Variants in CSMD1 observed in about 807,000 individuals in gnomAD.
CSMD1 encodes the protein CUB and sushi domain-containing protein 1.
CSMD1 carries 213 observed loss-of-function variants against 417.5 expected under a neutral mutation model. The observed-to-expected ratio is 0.51, with a 90% CI of 0.46 to 0.57. CSMD1 has a LOEUF of 0.57. Ranked by LOEUF, CSMD1 falls within the 20% of genes least tolerant of loss-of-function variation. The pLI, the probability that CSMD1 is intolerant of heterozygous loss-of-function variation, is 0.00. For missense variants in CSMD1, 6,923 were observed against 4,529.7 expected, an observed-to-expected ratio of 1.53 and a Z score of -15.17; for synonymous variants, 2,862 against 1,736.8, an observed-to-expected ratio of 1.65 and a Z score of -16.11.
At chr8:3,307,956 C>A (rs10089513) in intron 24 of CSMD1, 135 bp from the exon 25 acceptor site, 17 of 986,164 alleles carry the variant, frequency 1.7e-5, no homozygotes, top group South Asian at 5.4e-5. Context: ...TCTCTCTCTC[C>A]TGACCGTTTC....
At chr8:4,665,100 C>G (rs192540456) in intron 1 of CSMD1, among the ~76,000 whole-genome samples, 2 of 152,242 alleles carry the variant, frequency 1.3e-5, no homozygotes, top group Non-Finnish European at 2.9e-5. Flanking sequence ...ACCTTGCCAC[C>G]CAGCCCTGCC....
intron 3 of CSMD1, among the ~76,000 whole-genome samples, chr8:4,149,724 T>A (rs1243435515): frequency 6.6e-6 from 1 of 152,180 alleles, no homozygotes; most frequent in Non-Finnish European, 1.5e-5. Context: ...AGAAACATTT[T>A]CCAAATAACC....
intron 1 of CSMD1, among the ~76,000 whole-genome samples, chr8:4,692,051 C>A (rs537788835): frequency 6.6e-6 from 1 of 152,104 alleles, no homozygotes; most frequent in Non-Finnish European, 1.5e-5. Flanking sequence ...TATGATAATG[C>A]GGGGCACACA....
At chr8:4,355,021 G>T (rs1225940937) in intron 3 of CSMD1, among the ~76,000 whole-genome samples, 1 of 151,912 alleles carries the variant, frequency 6.6e-6, no homozygotes, top group Non-Finnish European at 1.5e-5. Flanking sequence ...CCAGCACTTT[G>T]GGAGGCCGAG....
chr8:4,281,811 G>A (rs1342521760), intron 3 of CSMD1, among the ~76,000 whole-genome samples: 1 of 152,144 alleles, frequency 6.6e-6, no homozygotes, highest in African/African-American at 2.4e-5. Context: ...TTATTACATT[G>A]TAAAACACTG....
chr8:4,055,502 T>C (rs1798644809), intron 3 of CSMD1, among the ~76,000 whole-genome samples: 1 of 151,970 alleles, frequency 6.6e-6, no homozygotes, highest in African/African-American at 2.4e-5. Context: ...TTCATATAAA[T>C]AAGAGTCAAA....
chr8:3,052,243 T>G (rs1811866866), intron 50 of CSMD1, among the ~76,000 whole-genome samples: 1 of 152,208 alleles, frequency 6.6e-6, no homozygotes. Context: ...ACTGTCTATA[T>G]TTAGGATTCA....
chr8:3,626,343 A>T (rs1796492292), intron 7 of CSMD1, among the ~76,000 whole-genome samples: 1 of 152,210 alleles, frequency 6.6e-6, no homozygotes, highest in South Asian at 2.1e-4. Flanking sequence ...ATCTTACAGG[A>T]TGCCCAATTA....
intron 7 of CSMD1, among the ~76,000 whole-genome samples, chr8:3,622,620 T>A (rs1405770505): frequency 6.6e-6 from 1 of 152,222 alleles, no homozygotes; most frequent in African/African-American, 2.4e-5. Flanking sequence ...TAGACAAGCC[T>A]GAATGGATTG....
chr8:2,969,488 G>C (rs1563192114), intron 57 of CSMD1, among the ~76,000 whole-genome samples: 1 of 152,130 alleles, frequency 6.6e-6, no homozygotes, highest in Non-Finnish European at 1.5e-5. Context: ...TAAATTCTTT[G>C]AGTTGAAGAA....
chr8:4,185,962 A>G (rs1798651694), intron 3 of CSMD1, among the ~76,000 whole-genome samples: 1 of 152,174 alleles, frequency 6.6e-6, no homozygotes, highest in South Asian at 2.1e-4. Flanking sequence ...CTACGGTGGA[A>G]TACAGAAATC....
At chr8:4,743,437 A>C (rs1028069655) in intron 1 of CSMD1, among the ~76,000 whole-genome samples, 2 of 152,196 alleles carry the variant, frequency 1.3e-5, no homozygotes, top group African/African-American at 4.8e-5. Flanking sequence ...AACGTGTGTC[A>C]AGAATGAGCA....
At chr8:3,679,769 G>C (rs1276779766) in intron 7 of CSMD1, among the ~76,000 whole-genome samples, 1 of 152,128 alleles carries the variant, frequency 6.6e-6, no homozygotes, top group East Asian at 1.9e-4. Flanking sequence ...TTTCAAAATT[G>C]ACCACATAGT....
intron 3 of CSMD1, among the ~76,000 whole-genome samples, chr8:4,239,214 G>C (rs150202438): frequency 6.6e-6 from 1 of 152,262 alleles, no homozygotes; most frequent in African/African-American, 2.4e-5. Flanking sequence ...TGAGTCTCAC[G>C]TTTCACATCC....
chr8:3,409,876 A>G (rs1812574234), intron 12 of CSMD1, among the ~76,000 whole-genome samples: 2 of 152,240 alleles, frequency 1.3e-5, no homozygotes, highest in Non-Finnish European at 2.9e-5. Flanking sequence ...AAATGCTGCA[A>G]TTAATCGGTG....
intron 5 of CSMD1, among the ~76,000 whole-genome samples, chr8:3,870,783 C>G (rs1181937279): frequency 6.6e-6 from 1 of 152,222 alleles, no homozygotes; most frequent in East Asian, 1.9e-4. Flanking sequence ...TAGAGCTACT[C>G]AGGAATTGCA....
At chr8:3,915,218 C>A (rs1184707667) in intron 5 of CSMD1, among the ~76,000 whole-genome samples, 3 of 151,914 alleles carry the variant, frequency 2.0e-5, no homozygotes, top group African/African-American at 7.3e-5. Context: ...CCAGCCTGGC[C>A]AACATCACGA....
rs73177325 is a variant in CSMD1 at position 4,383,613 on chromosome 8, G to A, written c.415+36340C>T. Among the ~76,000 whole-genome samples the A allele has an allele frequency of 4.5e-3, 684 of 152,224 alleles. 5 individuals carry two copies. The highest frequency in any genetic ancestry group is 6.7e-3 in the Non-Finnish European group (457 of 68,022). ...ACATGGAAGTGTTTAATAAAGACGT[G>A]CTGATTAAACTGAGAATCAACTATG... is the stretch of plus-strand genomic sequence containing the variant. On this transcript the variant is annotated intron_variant, in intron 3 of 69. Transcript: ENST00000635120.
At position 3,559,446 on chromosome 8, in the gene CSMD1, A is replaced by T. The variant is rs576889795; in HGVS notation, c.1344+15499T>A. ...TACGCAACATATTGTAACGTTGCCAAGCAACCTGTAAATGTGTGGAACATC... is the reference window on the plus strand; with the variant it reads ...TACGCAACATATTGTAACGTTGCCATGCAACCTGTAAATGTGTGGAACATC... On this transcript the variant is annotated intron_variant, in intron 10 of 69. Coordinates refer to ENST00000635120, the MANE Select transcript of CSMD1 (RefSeq NM_033225.6). Among the ~76,000 whole-genome samples, 203 of 152,358 alleles carry T rather than the reference A, an allele frequency of 1.3e-3. 1 individual carries two copies. Among genetic ancestry groups the T allele is most frequent in the Non-Finnish European group, 2.5e-3 (171 of 68,040 alleles).
Sources: allele counts gnomAD v4.1 joint callset (sites outside exome capture counted in the v4.1 genomes callset), GRCh38; gene constraint gnomAD v4.1.1; transcripts MANE v1.5; gene names NCBI Gene and HGNC (gene_info 2026-07-23, HGNC 2026-07-21).